Variants in OSTM1 observed in about 807,000 individuals in gnomAD.
OSTM1 encodes osteopetrosis-associated transmembrane protein 1.
A neutral mutation model predicts 35.4 loss-of-function variants in OSTM1; 26 were observed. The observed-to-expected ratio is 0.73, with a 90% CI of 0.54 to 1.02. OSTM1 has a LOEUF of 1.02. OSTM1 is among the 50% of genes least tolerant of loss of function. The pLI is 0.00. For missense variants in OSTM1, 366 were observed against 409.6 expected (o/e 0.89, Z 0.92); for synonymous variants, 181 against 165.0 (o/e 1.10, Z -0.75).
intron 3 of OSTM1, among the ~76,000 whole-genome samples, chr6:108,054,253 A>T (rs1297265868): frequency 6.6e-6 from 1 of 152,216 alleles, no homozygotes; most frequent in Non-Finnish European, 1.5e-5. Flanking sequence ...GATTCTCATT[A>T]CAAAATACTT....
intron 1 of OSTM1, among the ~76,000 whole-genome samples, chr6:108,067,185 T>C (rs573339206): frequency 6.6e-6 from 1 of 152,182 alleles, no homozygotes; most frequent in East Asian, 1.9e-4. Flanking sequence ...CTGATCTCTC[T>C]CCCACTCTTT....
chr6:108,043,867 C>G lies in OSTM1; in HGVS notation c.*918G>C, dbSNP rs1771918910. ...TCAGGTCCCTTTCTGCTCGCTGAAC[C>G]TTAAGCTGGTTTTACCCCTCCTGTC... is the stretch of plus-strand genomic sequence containing the variant. On this transcript the variant is annotated 3_prime_UTR_variant, in exon 6 of 6. Coordinates refer to ENST00000193322, the MANE Select transcript of OSTM1 (RefSeq NM_014028.4). 6.6e-6 allele frequency: 1 copy of G among 152,202 alleles called. No individual in the cohort carries two copies. Among genetic ancestry groups the G allele is most frequent in the Admixed American group, 6.5e-5 (1 of 15,270 alleles). 9.4% of individuals were successfully genotyped at this position (152,202 alleles called of 1,614,324 possible).
rs138362241 is a variant in OSTM1 at position 108,070,821 on chromosome 6, C to A, written c.402+3429G>T. Among the ~76,000 whole-genome samples the A allele has an allele frequency of 3.0e-3, 408 of 137,414 alleles. 1 individual carries two copies. Among genetic ancestry groups the A allele is most frequent in the African/African-American group, 0.011 (393 of 36,898 alleles). The allele number at this position is 137,414 out of a possible 152,430, so 90.1% of individuals were successfully genotyped here. On this transcript the variant is annotated intron_variant, in intron 1 of 5. Coordinates refer to ENST00000193322, the MANE Select transcript of OSTM1 (RefSeq NM_014028.4). ...AGGAGAATCGCTTGAACCTGGGAGGCGAAGGTTGCAGTGAGCCGAGATCCC... is the reference window on the plus strand; with the variant it reads ...AGGAGAATCGCTTGAACCTGGGAGGAGAAGGTTGCAGTGAGCCGAGATCCC...
intron 1 of OSTM1, among the ~76,000 whole-genome samples, chr6:108,070,873 A>G (rs1772470766): frequency 8.2e-6 from 1 of 121,300 alleles, no homozygotes; most frequent in Non-Finnish European, 1.8e-5. Flanking sequence ...CTGGGTAACA[A>G]GAGGGAAACT....
Position 108,041,960 on chromosome 6 carries a change from A to G in OSTM1, c.*2825T>C, listed in dbSNP as rs558042933. Reference sequence around the variant, plus strand: ...TAGTATTTTTTGCTTTTCAAAATTCATTGCTGGTGATGTCTATTACTTATT... The same window carrying G: ...TAGTATTTTTTGCTTTTCAAAATTCGTTGCTGGTGATGTCTATTACTTATT... On this transcript the variant is annotated 3_prime_UTR_variant, in exon 6 of 6. Transcript: ENST00000193322. The G allele has an allele frequency of 6.6e-6, 1 of 152,274 alleles. No homozygotes were observed. Among genetic ancestry groups the G allele is most frequent in the Non-Finnish European group, 1.5e-5 (1 of 68,024 alleles). The allele number at this position is 152,274 out of a possible 1,614,324, so 9.4% of individuals were successfully genotyped here.
At chr6:108,060,516 G>A (rs6906264) in intron 2 of OSTM1, among the ~76,000 whole-genome samples, 35,107 of 151,934 alleles carry the variant, frequency 0.23, 4,144 homozygotes, top group Admixed American at 0.26. Context: ...CTAGGAATCC[G>A]AGACCAGCCT....
intron 5 of OSTM1, among the ~76,000 whole-genome samples, chr6:108,045,494 A>C (rs535530996): frequency 3.5e-5 from 5 of 142,576 alleles, no homozygotes; most frequent in South Asian, 2.1e-4. Context: ...AGAACTCTGT[A>C]ATGGGAAAAA....
intron 2 of OSTM1, among the ~76,000 whole-genome samples, chr6:108,055,549 G>T (rs1317050054): frequency 6.6e-6 from 1 of 152,162 alleles, no homozygotes; most frequent in South Asian, 2.1e-4. Flanking sequence ...TTCTCAGCCT[G>T]CTATCTCCAA....
chr6:108,066,418 T>C (rs187595045), intron 1 of OSTM1, among the ~76,000 whole-genome samples: 1 of 152,152 alleles, frequency 6.6e-6, no homozygotes, highest in Non-Finnish European at 1.5e-5. Flanking sequence ...ATAGGTAGTG[T>C]TAGCTGGGTA....
At chr6:108,060,923 A>C (rs1271189303) in intron 2 of OSTM1, 1 of 152,172 alleles carries the variant, frequency 6.6e-6, no homozygotes, top group Non-Finnish European at 1.5e-5. Context: ...GCACTTGACT[A>C]GTCTTAAAAT....
At chr6:108,062,535 CTTTTTTT>C (rs780041339) in intron 2 of OSTM1, among the ~76,000 whole-genome samples, 14 of 131,050 alleles carry the variant, frequency 1.1e-4, no homozygotes, top group South Asian at 2.4e-4. Flanking sequence ...CTTTTCTTTT[CTTTTTTT>C]TTTTTTTTTT....
rs777282809 is a variant in OSTM1 at position 108,051,022 on chromosome 6, A to C, written c.783+9T>G. The C allele has an allele frequency of 6.2e-7, 1 of 1,603,210 alleles. No homozygotes were observed. Among genetic ancestry groups the C allele is most frequent in the Admixed American group, 1.7e-5 (1 of 60,006 alleles). On this transcript the variant is annotated intron_variant, in intron 4 of 5. Transcript: ENST00000193322. ...AAAATATGTATCACATCAGAAGCAA[A>C]GTACTTACTGCATCTTCCACATCAA...
intron 2 of OSTM1, among the ~76,000 whole-genome samples, chr6:108,062,525 C>T (rs1052105725): frequency 2.4e-4 from 32 of 136,006 alleles, no homozygotes; most frequent in African/African-American, 8.5e-4. Flanking sequence ...ACTATATAAG[C>T]TTTTCTTTTC....
At chr6:108,049,512 A>G in intron 4 of OSTM1, 94 bp from the exon 5 acceptor site, 1 of 1,579,892 alleles carries the variant, frequency 6.3e-7, no homozygotes, top group Non-Finnish European at 8.6e-7. Flanking sequence ...AGGAATCTAG[A>G]ATTTAGACTC....
rs1277887619 is a variant in OSTM1 at position 108,043,811 on chromosome 6, A to G, written c.*974T>C. 2 of 152,082 alleles carry G rather than the reference A, an allele frequency of 1.3e-5. No individual in the cohort carries two copies. The allele number at this position is 152,082 out of a possible 1,614,324, so 9.4% of individuals were successfully genotyped here. A position where few individuals can be genotyped will look rare whatever the true frequency, so the allele number is the denominator to read the frequency against. On this transcript the variant is annotated 3_prime_UTR_variant, in exon 6 of 6. Transcript: ENST00000193322. ...CCGATTCATCCCCTCAATACACACC[A>G]CTGTCCAACAGTCTTACAGTGAGCA...
chr6:108,071,945 G>T (rs1300074097), intron 1 of OSTM1, among the ~76,000 whole-genome samples: 1 of 152,186 alleles, frequency 6.6e-6, no homozygotes, highest in African/African-American at 2.4e-5. Flanking sequence ...TTTGGGTAGT[G>T]GGGAATTCAT....
At chr6:108,052,638 C>A (rs1009780953) in intron 3 of OSTM1, among the ~76,000 whole-genome samples, 1 of 151,518 alleles carries the variant, frequency 6.6e-6, no homozygotes, top group African/African-American at 2.4e-5. Flanking sequence ...CAGGTGCCAC[C>A]ATACCTGGCC....
chr6:108,070,087 G>C (rs1772454412), intron 1 of OSTM1, among the ~76,000 whole-genome samples: 1 of 151,970 alleles, frequency 6.6e-6, no homozygotes, highest in South Asian at 2.1e-4. Flanking sequence ...ACCCAGGCTG[G>C]AGTGCAGTGG....
intron 1 of OSTM1, among the ~76,000 whole-genome samples, chr6:108,066,629 G>A (rs1772383423): frequency 6.6e-6 from 1 of 152,156 alleles, no homozygotes. Flanking sequence ...GAGTCCTTGA[G>A]TGTGAAAGTG....
Sources: allele counts gnomAD v4.1 joint callset (sites outside exome capture counted in the v4.1 genomes callset), GRCh38; gene constraint gnomAD v4.1.1; transcripts MANE v1.5; gene names NCBI Gene and HGNC (gene_info 2026-07-23, HGNC 2026-07-21).